HEATR4: variants seen among roughly 807,000 people sequenced by gnomAD.
The protein encoded by HEATR4 is HEAT repeat containing 4, also known as HEAT repeat-containing protein 4.
Under a neutral mutation model 108.8 loss-of-function variants are expected in HEATR4, and 95 were observed. The observed-to-expected ratio is 0.87, with a 90% CI of 0.74 to 1.04. HEATR4 has a LOEUF of 1.04. Among genes scored for constraint, HEATR4 ranks in the 50% least tolerant of loss-of-function variants. The pLI is 0.00. For synonymous variants in HEATR4, 443 were observed against 459.4 expected (o/e 0.96, Z 0.46); for missense variants, 1,152 against 1,253.8 (o/e 0.92, Z 1.23).
intron 10 of HEATR4, among the ~76,000 whole-genome samples, chr14:73,503,479 A>G (rs935529931): frequency 6.6e-6 from 1 of 152,170 alleles, no homozygotes; most frequent in African/African-American, 2.4e-5. Context: ...TCAGAGAGGA[A>G]TGGGCAAAGA....
chr14:73,619,233 G>A, the HEATR4 span: 5 of 1,551,768 alleles, frequency 3.2e-6, no homozygotes, highest in Non-Finnish European at 4.3e-6. Context: ...TTCCTCAACA[G>A]GTGAAAGGTC....
chr14:73,604,160 A>ATTTTTTTT, the HEATR4 span, among the ~76,000 whole-genome samples: 1 of 91,408 alleles, frequency 1.1e-5, no homozygotes, highest in African/African-American at 4.5e-5. Flanking sequence ...TCATTTGCTA[A>ATTTTTTTT]TTTCTTTTTT....
the HEATR4 span, among the ~76,000 whole-genome samples, chr14:73,628,753 C>CA: frequency 0.16 from 20,192 of 126,358 alleles, 1,939 homozygotes; most frequent in Non-Finnish European, 0.24. Context: ...AACTCCATCT[C>CA]AAAAAAAAAA....
chr14:73,493,079 T>G lies in HEATR4; in HGVS notation c.2831A>C (p.Glu944Ala), dbSNP rs770849670. The part of the protein sequence containing the change: ...PRRPSEVCDT[E>A]AVIKPVKPRA... ...GCTCACATTTACCTTTATCACTGCT[T>G]CAGTGTCACAAACCTCGGAAGGTCT... Residue 944 changes from glutamate (E) to alanine (A), a missense_variant, in exon 17 of 18, where the codon GAA (glutamate) becomes GCA (alanine). By Grantham distance (107) the Glu-to-Ala change is moderately radical. Coordinates refer to ENST00000553558, the MANE Select transcript of HEATR4 (RefSeq NM_001220484.1). The G allele has an allele frequency of 1.1e-5, 17 of 1,612,694 alleles. No individual in the cohort carries two copies. The highest frequency in any genetic ancestry group is 1.4e-5 in the Non-Finnish European group (17 of 1,179,726).
At chr14:73,518,877 T>C (rs549915930) in intron 5 of HEATR4, 146 bp downstream of exon 5, 3 of 675,920 alleles carry the variant, frequency 4.4e-6, no homozygotes. Context: ...GAGATTATTT[T>C]TAGTACGTAG....
the HEATR4 span, among the ~76,000 whole-genome samples, chr14:73,576,816 A>AAAAAAAAAAAAAAAG: frequency 1.5e-3 from 89 of 58,148 alleles, 20 homozygotes; most frequent in African/African-American, 2.5e-3. Context: ...AAAAAAAAAA[A>AAAAAAAAAAAAAAAG]AAAAGACAAT....
chr14:73,614,026 CAAAAAAAA>C, the HEATR4 span, among the ~76,000 whole-genome samples: 13 of 92,958 alleles, frequency 1.4e-4, no homozygotes, highest in Non-Finnish European at 1.7e-4. Flanking sequence ...TCTGTCTCTA[CAAAAAAAA>C]AAAAAAAAAA....
At chr14:73,592,051 G>A in the HEATR4 span, 1 of 1,475,058 alleles carries the variant, frequency 6.8e-7, no homozygotes, top group Non-Finnish European at 9.0e-7. Flanking sequence ...CCGGAGCAGC[G>A]GGTTACGCTG....
At chr14:73,593,918 C>T in the HEATR4 span, 6 of 1,596,994 alleles carry the variant, frequency 3.8e-6, no homozygotes, top group East Asian at 4.5e-5. Flanking sequence ...CTCCTCATGT[C>T]CTTTATTTAA....
chr14:73,492,949 T>G lies in HEATR4; in HGVS notation c.2844+117A>C. The G allele has an allele frequency of 6.2e-7, 1 of 1,611,832 alleles. No individual in the cohort carries two copies. The highest frequency in any genetic ancestry group is 1.7e-5 in the Admixed American group (1 of 59,758). ...TGCCTCTAGCCCTAAATTAGTTTCT[T>G]GTTGATTGCTGGAAACAAGGCAGTA... On this transcript the variant is annotated intron_variant, in intron 17 of 17. Transcript: ENST00000553558. This position sits in a 1 kb window ranked among gnomAD's most constrained non-coding sequence, Gnocchi z 4.9.
the HEATR4 span, among the ~76,000 whole-genome samples, chr14:73,590,440 G>A: frequency 6.6e-6 from 1 of 152,268 alleles, no homozygotes; most frequent in Non-Finnish European, 1.5e-5. Flanking sequence ...CACGGGGTTC[G>A]CAGGTGGAGC....
At chr14:73,522,199 T>G (rs1193943505) in intron 3 of HEATR4, 73 bp downstream of exon 3, 13 of 1,473,632 alleles carry the variant, frequency 8.8e-6, no homozygotes, top group East Asian at 2.3e-5. Context: ...ATCGGGAGTG[T>G]GAGTCCACCT....
rs538005286 is a variant in HEATR4 at position 73,518,034 on chromosome 14, C to T, written c.1210+989G>A. On this transcript the variant is annotated intron_variant, in intron 5 of 17. Coordinates refer to ENST00000553558, the MANE Select transcript of HEATR4 (RefSeq NM_001220484.1). Reference sequence around the variant, plus strand: ...CCAGGAGGCGGAGGTTGCAGTGAGCCGAGATCACGCCACCGCACTCCAGCC... The same window carrying T: ...CCAGGAGGCGGAGGTTGCAGTGAGCTGAGATCACGCCACCGCACTCCAGCC... Among the ~76,000 whole-genome samples the T allele has an allele frequency of 2.3e-3, 348 of 151,500 alleles. 5 individuals are homozygous for T. The highest frequency in any genetic ancestry group is 1.9e-3 in the South Asian group (9 of 4,774).
At chr14:73,561,042 CA>C (rs1216272487), upstream of HEATR4, among the ~76,000 whole-genome samples, 14 of 152,140 alleles carry the variant, frequency 9.2e-5, no homozygotes, top group African/African-American at 3.4e-4. Flanking sequence ...GTGGAAGATA[CA>C]TACAACAGAA....
the HEATR4 span, chr14:73,619,580 A>T: frequency 6.2e-7 from 1 of 1,614,228 alleles, no homozygotes; most frequent in Non-Finnish European, 8.5e-7. Flanking sequence ...TTCTATGCTC[A>T]GATAGCCTCT....
the HEATR4 span, among the ~76,000 whole-genome samples, chr14:73,604,240 C>T: frequency 6.9e-6 from 1 of 144,776 alleles, no homozygotes; most frequent in African/African-American, 2.6e-5. Context: ...TCTCAGCTCA[C>T]TGCCACCTCC....
chr14:73,589,953 C>G, the HEATR4 span, among the ~76,000 whole-genome samples: 1 of 152,082 alleles, frequency 6.6e-6, no homozygotes, highest in Non-Finnish European at 1.5e-5. Flanking sequence ...CTGGTGAGTT[C>G]GTGGTCTGGT....
the HEATR4 span, chr14:73,612,545 G>A: frequency 7.8e-7 from 1 of 1,281,680 alleles, no homozygotes; most frequent in Non-Finnish European, 1.0e-6. Flanking sequence ...CGCGGAGCTG[G>A]GTCGCCCCTG....
At chr14:73,490,551 G>T (rs374137825) in intron 17 of HEATR4, among the ~76,000 whole-genome samples, 153 of 152,272 alleles carry the variant, frequency 1.0e-3, no homozygotes, top group African/African-American at 3.4e-3. Flanking sequence ...TCGATCTCCT[G>T]ACCTCGTGAT....
Sources: gnomAD v4.1 joint callset for allele counts (sites outside exome capture counted in the v4.1 genomes callset) on GRCh38, gnomAD v4.1.1 for gene constraint, Gnocchi (gnomAD v3.1) non-coding constraint, MANE v1.5 for transcripts, NCBI Gene and HGNC (gene_info 2026-07-23, HGNC 2026-07-21) for gene names.